The following VPS13B variants were observed in gnomAD, a reference collection of about 807,000 sequenced individuals.
VPS13B encodes the protein vacuolar protein sorting 13 homolog B, also known as intermembrane lipid transfer protein VPS13B.
VPS13B carries 285 observed loss-of-function variants against 426.4 expected under a neutral mutation model. The observed-to-expected ratio is 0.67, with a 90% CI of 0.61 to 0.74. VPS13B has a LOEUF of 0.74. Ranked by LOEUF, VPS13B falls within the 30% of genes least tolerant of loss-of-function variation. The pLI, the probability that VPS13B is intolerant of heterozygous loss-of-function variation, is 0.00. For synonymous variants in VPS13B, 1,676 were observed against 1,676.4 expected (o/e 1.00, Z 0.01); for missense variants, 4,537 against 4,782.6 (o/e 0.95, Z 1.51).
At chr8:99,170,443 C>T (rs191395359) in intron 16 of VPS13B, among the ~76,000 whole-genome samples, 1 of 151,706 alleles carries the variant, frequency 6.6e-6, no homozygotes, top group Admixed American at 6.6e-5. Context: ...ATAATAGGAA[C>T]TGTAAGAGGA....
At chr8:99,283,906 A>G (rs919131442) in intron 19 of VPS13B, among the ~76,000 whole-genome samples, 4 of 152,190 alleles carry the variant, frequency 2.6e-5, no homozygotes, top group Admixed American at 6.5e-5. Flanking sequence ...TTACATTTGT[A>G]GTGCAGAGAA....
At chr8:99,821,168 C>CT (rs1814348175) in intron 49 of VPS13B, 126 bp from the exon 50 acceptor site, 1 of 415,998 alleles carries the variant, frequency 2.4e-6, no homozygotes, top group Non-Finnish European at 4.1e-6. Flanking sequence ...ACACACACAC[C>CT]ATGGAGGGAT....
At chr8:99,318,992 T>C (rs558927941) in intron 19 of VPS13B, among the ~76,000 whole-genome samples, 2 of 152,364 alleles carry the variant, frequency 1.3e-5, no homozygotes, top group South Asian at 4.1e-4. Context: ...TATTTTCTTA[T>C]GTCCCTTTAC....
At chr8:99,570,707 A>G (rs1438456950) in intron 31 of VPS13B, among the ~76,000 whole-genome samples, 1 of 152,090 alleles carries the variant, frequency 6.6e-6, no homozygotes, top group Non-Finnish European at 1.5e-5. Flanking sequence ...TCTTGCTAAT[A>G]AGGATTTTTA....
chr8:99,696,962 G>T, intron 35 of VPS13B: 1 of 654,086 alleles, frequency 1.5e-6, no homozygotes, highest in South Asian at 1.6e-5. Flanking sequence ...TGGACAACCT[G>T]AACGTCAAGG....
chr8:99,820,508 A>C (rs986545062), intron 49 of VPS13B, among the ~76,000 whole-genome samples: 2 of 152,158 alleles, frequency 1.3e-5, no homozygotes, highest in Non-Finnish European at 2.9e-5. Context: ...AATCTGCAAG[A>C]TATTGAGGAT....
chr8:99,430,710 C>CA (rs896737750), intron 21 of VPS13B, among the ~76,000 whole-genome samples: 4 of 151,344 alleles, frequency 2.6e-5, no homozygotes, highest in Non-Finnish European at 5.9e-5. Context: ...CCACCCCCCC[C>CA]CCAACTTTTT....
chr8:99,703,439 G>T (rs1832365544), intron 36 of VPS13B, among the ~76,000 whole-genome samples: 1 of 151,960 alleles, frequency 6.6e-6, no homozygotes, highest in Non-Finnish European at 1.5e-5. Context: ...CAAAACTTCT[G>T]ATTTCAGTAG....
chr8:99,070,374 A>G (rs1232651696), intron 3 of VPS13B, among the ~76,000 whole-genome samples: 1 of 152,162 alleles, frequency 6.6e-6, no homozygotes, highest in African/African-American at 2.4e-5. Context: ...TTCTGTGAAA[A>G]CTTTAATTCT....
In VPS13B at chr8:99,642,252, A is replaced by G. The variant is rs2133932160; in HGVS notation, c.5662A>G (p.Ile1888Val). Reference sequence around the variant, plus strand: ...CATTTCTTTTCCTTCAGGGAAAAAAATAGGGGTCCTCTCTCTTGAAAGTCT... The same window carrying G: ...CATTTCTTTTCCTTCAGGGAAAAAAGTAGGGGTCCTCTCTCTTGAAAGTCT... ...SSISFPSGKK[I>V]GVLSLESLHA... is the part of the protein sequence containing the mutation. Residue 1888 changes from isoleucine (I) to valine (V), a missense_variant, in exon 34 of 62, where the codon ATA (isoleucine) becomes GTA (valine). Ile to Val is a conservative substitution (Grantham distance 29). Around this residue, in one of 2 missense-constraint regions of VPS13B, gnomAD observed 4,311 missense variants for 4,474.3 expected, o/e 0.96. Coordinates refer to ENST00000357162, the MANE Select transcript of VPS13B (RefSeq NM_152564.5). 5.6e-6 allele frequency: 9 copies of G among 1,614,160 alleles called. No individual in the cohort carries two copies. Among genetic ancestry groups the G allele is most frequent in the Non-Finnish European group, 6.8e-6 (8 of 1,180,020 alleles).
At chr8:99,624,346 ATAT>A (rs1284210486) in intron 33 of VPS13B, among the ~76,000 whole-genome samples, 2 of 152,146 alleles carry the variant, frequency 1.3e-5, no homozygotes, top group African/African-American at 2.4e-5. Context: ...GTTTGTAAAA[ATAT>A]TTGATTTAGA....
chr8:99,094,905 G>A (rs1002726503), intron 3 of VPS13B, among the ~76,000 whole-genome samples: 2 of 152,086 alleles, frequency 1.3e-5, no homozygotes, highest in African/African-American at 4.8e-5. Flanking sequence ...CTTTGTGTTG[G>A]TATCTTTGAT....
At chr8:99,746,129 G>A (rs1018763575) in intron 39 of VPS13B, among the ~76,000 whole-genome samples, 2 of 151,912 alleles carry the variant, frequency 1.3e-5, no homozygotes, top group Non-Finnish European at 2.9e-5. Context: ...GGCCCACTCT[G>A]TCTTTATAAT....
At chr8:99,778,599 A>T in intron 41 of VPS13B, 83 bp from the exon 42 acceptor site, 1 of 1,192,182 alleles carries the variant, frequency 8.4e-7, no homozygotes, top group Non-Finnish European at 1.3e-6. Context: ...AAAAGTGAAT[A>T]GTTTGAATGT....
intron 3 of VPS13B, among the ~76,000 whole-genome samples, chr8:99,087,621 T>G (rs564618838): frequency 5.3e-4 from 81 of 151,578 alleles, no homozygotes; most frequent in Non-Finnish European, 7.4e-4. Context: ...TTTTGTTTTT[T>G]TTTTTTTTTA....
intron 3 of VPS13B, among the ~76,000 whole-genome samples, chr8:99,041,853 CAAA>C (rs766715821): frequency 2.9e-5 from 2 of 68,978 alleles, no homozygotes; most frequent in South Asian, 4.9e-4. Context: ...ACTCTGTCTC[CAAA>C]AAAAAAAAAA....
chr8:99,733,890 A>G (rs574367835), intron 39 of VPS13B, among the ~76,000 whole-genome samples: 16 of 152,290 alleles, frequency 1.1e-4, no homozygotes, highest in African/African-American at 2.9e-4. Flanking sequence ...ACATCATACA[A>G]TTCCCTAATT....
chr8:99,552,204 G>C (rs1824314134), intron 30 of VPS13B, among the ~76,000 whole-genome samples: 1 of 151,416 alleles, frequency 6.6e-6, no homozygotes, highest in Non-Finnish European at 1.5e-5. Context: ...TTAAAGTCTT[G>C]TTCCCTGCTC....
chr8:99,168,558 C>T (rs924331770), intron 15 of VPS13B, among the ~76,000 whole-genome samples: 1 of 151,888 alleles, frequency 6.6e-6, no homozygotes, highest in South Asian at 2.1e-4. Context: ...CTGTAAATTC[C>T]AGAATCCTTT....
Sources: gnomAD v4.1 joint callset for allele counts (sites outside exome capture counted in the v4.1 genomes callset) on GRCh38, gnomAD v4.1.1 for gene constraint, gnomAD v4.1.1 regional missense constraint, MANE v1.5 for transcripts, NCBI Gene and HGNC (gene_info 2026-07-23, HGNC 2026-07-21) for gene names.